Variants in TSR2 observed in about 807,000 individuals in gnomAD.
The protein encoded by TSR2 is pre-rRNA-processing protein TSR2 homolog.
A neutral mutation model predicts 13.3 loss-of-function variants in TSR2; 1 was observed. That is an observed-to-expected ratio of 0.08 (90% CI 0.03 to 0.36). The LOEUF (loss-of-function observed/expected upper bound fraction) is 0.36. Ranked by LOEUF, TSR2 falls within the 10% of genes least tolerant of loss-of-function variation. TSR2 has a pLI of 0.99. For synonymous variants in TSR2, 60 were observed against 57.7 expected, an observed-to-expected ratio of 1.04 and a Z score of -0.18; for missense variants, 120 against 151.1, an observed-to-expected ratio of 0.79 and a Z score of 1.08.
rs751069378 is a variant in TSR2 at position 54,442,587 on chromosome X, A to G, written c.173-813A>G. Among the ~76,000 whole-genome samples, 5 of 111,155 alleles carry G rather than the reference A, an allele frequency of 4.5e-5. No homozygotes were observed. The East Asian group carries it at 1.4e-3, about 32-fold the overall frequency. On this transcript the variant is annotated intron_variant, in intron 2 of 4. Transcript: ENST00000375151. ...ATGAGCTCTCCCAGAGAAAGCACAT[A>G]GAGGGGAGAGGGCTAGGAGCTTTGT...
chrX:54,447,474 G>A lies in TSR2; in HGVS notation c.*2924G>A, dbSNP rs779991940. The A allele has an allele frequency of 8.3e-7, 1 of 1,205,438 alleles. No individual in the cohort carries two copies. Among genetic ancestry groups the A allele is most frequent in the South Asian group, 1.8e-5 (1 of 55,911 alleles). On this transcript the variant is annotated 3_prime_UTR_variant, in exon 5 of 5. Coordinates refer to ENST00000375151, the MANE Select transcript of TSR2 (RefSeq NM_058163.3). ...CTGTTTCTGTGGCCAGAGACACCGGGCATCAATGTTGACAGAAGGCCTAGC... is the reference window on the plus strand; with the variant it reads ...CTGTTTCTGTGGCCAGAGACACCGGACATCAATGTTGACAGAAGGCCTAGC...
Position 54,444,637 on chromosome X carries a change from T to G in TSR2, c.*87T>G. On this transcript the variant is annotated 3_prime_UTR_variant, in exon 5 of 5. Coordinates refer to ENST00000375151, the MANE Select transcript of TSR2 (RefSeq NM_058163.3). ...GTTTTTTTTTTGAGGATTGCAGACC[T>G]GTGGACTGGTTACCCCATCTCCACC... The G allele has an allele frequency of 1.0e-6, 1 of 958,832 alleles. No homozygotes were observed. The highest frequency in any genetic ancestry group is 2.9e-5 in the Admixed American group (1 of 34,354). 79.0% of individuals were successfully genotyped at this position (958,832 alleles called of 1,213,427 possible). A position where few individuals can be genotyped will look rare whatever the true frequency, so the allele number is the denominator to read the frequency against.
intron 2 of TSR2, among the ~76,000 whole-genome samples, chrX:54,441,379 G>A (rs1369291477): frequency 8.9e-6 from 1 of 111,789 alleles, no homozygotes; most frequent in Non-Finnish European, 1.9e-5. Flanking sequence ...CCAGTAGAGG[G>A]CCTGTTGCAT....
At chrX:54,443,853 A>G (rs1385646933) in intron 3 of TSR2, among the ~76,000 whole-genome samples, 155 bp from the exon 4 acceptor site, 1 of 112,233 alleles carries the variant, frequency 8.9e-6, no homozygotes, top group Non-Finnish European at 1.9e-5. Flanking sequence ...TGAGCCCTTC[A>G]TATGTGGTTG....
rs1922250621 is a variant in TSR2 at position 54,447,475 on chromosome X, C to T, written c.*2925C>T. The T allele has an allele frequency of 8.3e-7, 1 of 1,205,481 alleles. No individual in the cohort carries two copies. The highest frequency in any genetic ancestry group is 1.7e-5 in the African/African-American group (1 of 57,789). ...TGTTTCTGTGGCCAGAGACACCGGG[C>T]ATCAATGTTGACAGAAGGCCTAGCC... On this transcript the variant is annotated 3_prime_UTR_variant, in exon 5 of 5. Coordinates refer to ENST00000375151, the MANE Select transcript of TSR2 (RefSeq NM_058163.3).
At chrX:54,443,551 T>G in intron 3 of TSR2, 60 bp downstream of exon 3, 2 of 910,403 alleles carry the variant, frequency 2.2e-6, no homozygotes, top group Non-Finnish European at 1.5e-6. Flanking sequence ...TCTCCCCAGC[T>G]GTCTGTTTTG....
In TSR2 at chrX:54,446,871, A is replaced by T. The variant is rs1416053347; in HGVS notation, c.*2321A>T. ...CCTGAGTAGCTGGGACTACAGGCAC[A>T]CGTCACCACGCCAGGCTAATTTTTG... On this transcript the variant is annotated 3_prime_UTR_variant, in exon 5 of 5. Coordinates refer to ENST00000375151, the MANE Select transcript of TSR2 (RefSeq NM_058163.3). Among the ~76,000 whole-genome samples the T allele has an allele frequency of 9.2e-6, 1 of 108,974 alleles. No individual in the cohort carries two copies. Among genetic ancestry groups the T allele is most frequent in the African/African-American group, 3.3e-5 (1 of 29,852 alleles). 94.6% of individuals were successfully genotyped at this position (108,974 alleles called of 115,157 possible).
At chrX:54,444,347 A>G in intron 4 of TSR2, 69 bp from the exon 5 acceptor site, 2 of 1,156,257 alleles carry the variant, frequency 1.7e-6, no homozygotes, top group Non-Finnish European at 2.3e-6. Context: ...CCAATCCTGG[A>G]AAAGCTGGAG....
Position 54,440,411 on chromosome X carries a change from G to C in TSR2, c.-11G>C. The C allele has an allele frequency of 8.8e-7, 1 of 1,132,275 alleles. No homozygotes were observed. Among genetic ancestry groups the C allele is most frequent in the Non-Finnish European group, 1.2e-6 (1 of 859,543 alleles). 93.3% of individuals were successfully genotyped at this position (1,132,275 alleles called of 1,213,427 possible). On this transcript the variant is annotated 5_prime_UTR_variant, in exon 1 of 5. Coordinates refer to ENST00000375151, the MANE Select transcript of TSR2 (RefSeq NM_058163.3). Reference sequence around the variant, plus strand: ...GGGCCGCCGGGACGTCACGTGGACTGGGGCCGGATAATGGCGGGCGCTGCA... The same window carrying C: ...GGGCCGCCGGGACGTCACGTGGACTCGGGCCGGATAATGGCGGGCGCTGCA...
At chrX:54,441,541 AG>A (rs1157977978) in intron 2 of TSR2, among the ~76,000 whole-genome samples, 3 of 112,269 alleles carry the variant, frequency 2.7e-5, no homozygotes, top group Non-Finnish European at 5.6e-5. Flanking sequence ...AGAGGAGCTC[AG>A]GGTGCATGGG....
Position 54,445,817 on chromosome X carries a change from T to G in TSR2, c.*1267T>G. The G allele has an allele frequency of 3.3e-6, 1 of 304,848 alleles. No individual in the cohort carries two copies. The highest frequency in any genetic ancestry group is 5.7e-6 in the Non-Finnish European group (1 of 176,789). 25.1% of individuals were successfully genotyped at this position (304,848 alleles called of 1,213,427 possible). A position where few individuals can be genotyped will look rare whatever the true frequency, so the allele number is the denominator to read the frequency against. ...TGGAGGCAGGATCTGTGGTAGGGTATTGAGGGATGAGGGAGAAAAACGACC... is the reference window on the plus strand; with the variant it reads ...TGGAGGCAGGATCTGTGGTAGGGTAGTGAGGGATGAGGGAGAAAAACGACC... On this transcript the variant is annotated 3_prime_UTR_variant, in exon 5 of 5. Transcript: ENST00000375151.
In TSR2 at chrX:54,445,810, T is replaced by C. The variant is rs977176320; in HGVS notation, c.*1260T>C. On this transcript the variant is annotated 3_prime_UTR_variant, in exon 5 of 5. Coordinates refer to ENST00000375151, the MANE Select transcript of TSR2 (RefSeq NM_058163.3). ...AACTGGGTGGAGGCAGGATCTGTGG[T>C]AGGGTATTGAGGGATGAGGGAGAAA... The C allele has an allele frequency of 3.6e-6, 1 of 274,922 alleles. No homozygotes were observed. The highest frequency in any genetic ancestry group is 2.9e-5 in the African/African-American group (1 of 35,045). 22.7% of individuals were successfully genotyped at this position (274,922 alleles called of 1,213,427 possible). A position where few individuals can be genotyped will look rare whatever the true frequency, so the allele number is the denominator to read the frequency against.
Position 54,440,522 on chromosome X carries a change from G to A in TSR2, c.81+20G>A, listed in dbSNP as rs762319679. On this transcript the variant is annotated intron_variant, in intron 1 of 4. Coordinates refer to ENST00000375151, the MANE Select transcript of TSR2 (RefSeq NM_058163.3). ...TTGCAGGTCAGTGGGGCCAGGGCCA[G>A]GGCAAGGTCAAGGTTAGGGCCCGGG... 6.1e-6 allele frequency: 7 copies of A among 1,147,306 alleles called. No individual in the cohort carries two copies. In the Admixed American group the frequency reaches 1.9e-4, roughly 32 times the overall value. The allele number at this position is 1,147,306 out of a possible 1,213,427, so 94.6% of individuals were successfully genotyped here.
rs758344044 is a variant in TSR2, at chrX:54,447,565, G to A, written c.*3015G>A. 1.1e-5 allele frequency: 9 copies of A among 825,497 alleles called. No homozygotes were observed. Among genetic ancestry groups the A allele is most frequent in the African/African-American group, 4.0e-5 (2 of 49,393 alleles). The allele number at this position is 825,497 out of a possible 1,213,427, so 68.0% of individuals were successfully genotyped here. A position where few individuals can be genotyped will look rare whatever the true frequency, so the allele number is the denominator to read the frequency against. ...TGCTATTCCTATCTCAGATGAAGACGCTCAAGCTCAGGTGGCAGGAGTGAT... is the reference window on the plus strand; with the variant it reads ...TGCTATTCCTATCTCAGATGAAGACACTCAAGCTCAGGTGGCAGGAGTGAT... On this transcript the variant is annotated 3_prime_UTR_variant, in exon 5 of 5. Coordinates refer to ENST00000375151, the MANE Select transcript of TSR2 (RefSeq NM_058163.3).
chrX:54,444,429 A>G lies in TSR2; in HGVS notation c.455A>G (p.Asn152Ser), dbSNP rs759052304. The stretch of plus-strand genomic sequence containing the variant: ...TCTCCCCTCCAGGTCACAGCTACGA[A>G]TGATGGGGCTGCTACAGATGGGGTC... ...SVEEMEVTATNDGAATDGVCP... is the reference protein window; with the variant it reads ...SVEEMEVTATSDGAATDGVCP... Residue 152 changes from asparagine to serine, a missense_variant, in exon 5 of 5, where the codon AAT becomes AGT. Physicochemically the swap from Asn to Ser is conservative, Grantham distance 46. Coordinates refer to ENST00000375151, the MANE Select transcript of TSR2 (RefSeq NM_058163.3). 2 of 1,206,069 alleles carry G rather than the reference A, an allele frequency of 1.7e-6. No individual in the cohort carries two copies. The highest frequency in any genetic ancestry group is 2.2e-5 in the Admixed American group (1 of 45,267).
chrX:54,446,565 C>G lies in TSR2; in HGVS notation c.*2015C>G. Reference sequence around the variant, plus strand: ...CCTTCCGTGGCTCCAGTGTTATCAACAGGAACATGTCAGAACTGGGGCTAA... The same window carrying G: ...CCTTCCGTGGCTCCAGTGTTATCAAGAGGAACATGTCAGAACTGGGGCTAA... On this transcript the variant is annotated 3_prime_UTR_variant, in exon 5 of 5. Coordinates refer to ENST00000375151, the MANE Select transcript of TSR2 (RefSeq NM_058163.3). 10 of 514,826 alleles carry G rather than the reference C, an allele frequency of 1.9e-5. No individual in the cohort carries two copies. 42.4% of individuals were successfully genotyped at this position (514,826 alleles called of 1,213,427 possible).
Position 54,446,061 on chromosome X carries a change from T to C in TSR2, c.*1511T>C, listed in dbSNP as rs774003420. On this transcript the variant is annotated 3_prime_UTR_variant, in exon 5 of 5. Coordinates refer to ENST00000375151, the MANE Select transcript of TSR2 (RefSeq NM_058163.3). Reference sequence around the variant, plus strand: ...AGGGGCTAGAGCCCCCAATCAGACATGGGCAACTAGAGTGTGGGGTGGGGG... The same window carrying C: ...AGGGGCTAGAGCCCCCAATCAGACACGGGCAACTAGAGTGTGGGGTGGGGG... 40 of 1,049,510 alleles carry C rather than the reference T, an allele frequency of 3.8e-5. No homozygotes were observed. The highest frequency in any genetic ancestry group is 4.4e-5 in the Non-Finnish European group (34 of 766,707). 86.5% of individuals were successfully genotyped at this position (1,049,510 alleles called of 1,213,427 possible).
rs1922048244 is a variant in TSR2, at chrX:54,444,486, C to G, written c.512C>G (p.Ala171Gly). ...CAGCCTGAACCCTCTGATCCAGACG[C>G]TCAGACTATTAAGGAAGAGGATATA... is the stretch of plus-strand genomic sequence containing the variant. The part of the protein sequence containing the change: ...CPQPEPSDPD[A>G]QTIKEEDIVE... Residue 171 changes from alanine (A) to glycine (G), a missense_variant, in exon 5 of 5, where the codon GCT (alanine) becomes GGT (glycine). Ala to Gly is a moderately conservative substitution (Grantham distance 60). Coordinates refer to ENST00000375151, the MANE Select transcript of TSR2 (RefSeq NM_058163.3). 8.3e-7 allele frequency: 1 copy of G among 1,208,039 alleles called. No homozygotes were observed. Among genetic ancestry groups the G allele is most frequent in the Non-Finnish European group, 1.1e-6 (1 of 893,736 alleles).
rs200868125 is a variant in TSR2, at chrX:54,444,478, T to C, written c.504T>C (p.Asp168=). 1.7e-6 allele frequency: 2 copies of C among 1,210,265 alleles called. No individual in the cohort carries two copies. The highest frequency in any genetic ancestry group is 3.5e-5 in the South Asian group (2 of 56,806). Residue 168 remains aspartate (D), a synonymous_variant, in exon 5 of 5, where the codon GAT becomes GAC. Transcript: ENST00000375151. ...DGVCPQPEPS[D]PDAQTIKEED... ...TCTGCCCCCAGCCTGAACCCTCTGA[T>C]CCAGACGCTCAGACTATTAAGGAAG...
Sources: gnomAD v4.1 joint callset for allele counts (sites outside exome capture counted in the v4.1 genomes callset) on GRCh38, gnomAD v4.1.1 for gene constraint, MANE v1.5 for transcripts, NCBI Gene and HGNC (gene_info 2026-07-23, HGNC 2026-07-21) for gene names.